ATP10D: variants seen among roughly 807,000 people sequenced by gnomAD.
ATP10D encodes the protein phospholipid-transporting ATPase VD.
In ATP10D, 89 loss-of-function variants were observed where a neutral mutation model predicts 144.8. The observed-to-expected ratio is 0.61, with a 90% CI of 0.52 to 0.73. The LOEUF is 0.73. ATP10D is among the 30% of genes least tolerant of loss of function. The pLI, the probability that ATP10D is intolerant of heterozygous loss-of-function variation, is 0.00. For synonymous variants in ATP10D, 571 were observed against 615.1 expected, an observed-to-expected ratio of 0.93 and a Z score of 1.06; for missense variants, 1,603 against 1,714.8, an observed-to-expected ratio of 0.93 and a Z score of 1.15.
At chr4:47,536,401 T>G in intron 7 of ATP10D, 36 bp from the exon 8 acceptor site, 1 of 1,606,206 alleles carries the variant, frequency 6.2e-7, no homozygotes, top group Non-Finnish European at 8.5e-7. Context: ...TGCCATATAT[T>G]TAGCATCCTT....
At chr4:47,562,516 A>C (rs1197352654) in intron 14 of ATP10D, among the ~76,000 whole-genome samples, 1 of 152,208 alleles carries the variant, frequency 6.6e-6, no homozygotes, top group Non-Finnish European at 1.5e-5. Context: ...ACCAGTCAGA[A>C]TGTCTGTTAA....
Position 47,591,439 on chromosome 4 carries a change from G to C in ATP10D, c.*58G>C. On this transcript the variant is annotated 3_prime_UTR_variant, in exon 23 of 23. Coordinates refer to ENST00000273859, the MANE Select transcript of ATP10D (RefSeq NM_020453.4). ...AGGTTGGAAGAGGGATTTTGAAGAG[G>C]TATCTCTCCAAGCAAGAATGACTTG... 1 of 1,407,462 alleles carries C rather than the reference G, an allele frequency of 7.1e-7. No individual in the cohort carries two copies. The highest frequency in any genetic ancestry group is 9.7e-7 in the Non-Finnish European group (1 of 1,035,046). The allele number at this position is 1,407,462 out of a possible 1,614,324, so 87.2% of individuals were successfully genotyped here.
At chr4:47,570,541 C>A (rs140509077) in intron 16 of ATP10D, among the ~76,000 whole-genome samples, 76 of 152,242 alleles carry the variant, frequency 5.0e-4, no homozygotes, top group African/African-American at 1.8e-3. Flanking sequence ...CAGTGGCTCA[C>A]GCCTGTAATC....
rs923215731 is a variant in ATP10D, at chr4:47,495,503, T to TA, written c.-38+9992dup. Among the ~76,000 whole-genome samples the TA allele has an allele frequency of 8.8e-4, 133 of 151,872 alleles. 1 individual carries two copies. The highest frequency in any genetic ancestry group is 3.1e-4 in the Non-Finnish European group (21 of 67,944). The stretch of plus-strand genomic sequence containing the variant: ...CCAAAATAAGTATATGTGTTAATGG[T>TA]AAAAAAAACATGGAGAGTATAAAAA... On this transcript the variant is annotated intron_variant, in intron 1 of 22. Transcript: ENST00000273859.
intron 10 of ATP10D, among the ~76,000 whole-genome samples, chr4:47,550,704 C>A (rs1718689614): frequency 6.6e-6 from 1 of 152,162 alleles, no homozygotes; most frequent in Non-Finnish European, 1.5e-5. Context: ...GAACCCCTGA[C>A]TAGTGTTCAA....
intron 18 of ATP10D, 140 bp downstream of exon 18, chr4:47,573,137 C>A: frequency 9.6e-7 from 1 of 1,040,850 alleles, no homozygotes; most frequent in Non-Finnish European, 1.4e-6. Context: ...GTCTTGCTGT[C>A]TTTCCAGAAC....
Position 47,580,497 on chromosome 4 carries a change from A to C in ATP10D, c.3648+19A>C. 1.3e-6 allele frequency: 2 copies of C among 1,592,272 alleles called. No homozygotes were observed. The highest frequency in any genetic ancestry group is 2.7e-5 in the African/African-American group (2 of 74,442). ...TTATTTTGTGAGTCTTTGTTCACTC[A>C]GTATATTTGTTATTAATGAATCAAT... On this transcript the variant is annotated intron_variant, in intron 20 of 22. Coordinates refer to ENST00000273859, the MANE Select transcript of ATP10D (RefSeq NM_020453.4).
intron 1 of ATP10D, among the ~76,000 whole-genome samples, chr4:47,502,634 G>A (rs1560411121): frequency 6.8e-6 from 1 of 147,908 alleles, no homozygotes; most frequent in African/African-American, 2.5e-5. Context: ...ATATACGTAT[G>A]TATATAATAT....
chr4:47,546,904 G>A (rs758744539), intron 10 of ATP10D, 42 bp downstream of exon 10: 157 of 1,547,462 alleles, frequency 1.0e-4, no homozygotes, highest in Non-Finnish European at 1.3e-4. Context: ...CATCCACAAT[G>A]TATGATGAGA....
rs187001698 is a variant in ATP10D, at chr4:47,516,540, C to T, written c.485+870C>T. 4.5e-3 allele frequency among the ~76,000 whole-genome samples: 687 copies of T among 152,228 alleles called. 4 individuals carry two copies. Among genetic ancestry groups the T allele is most frequent in the Non-Finnish European group, 5.6e-3 (380 of 68,010 alleles). The stretch of plus-strand genomic sequence containing the variant: ...TAGACAAATATAACTTGTCTTCAAT[C>T]TTATGTGATCCAAAGAGGAAAATGT... On this transcript the variant is annotated intron_variant, in intron 3 of 22. Transcript: ENST00000273859.
In ATP10D at chr4:47,557,672, C is replaced by A. The variant is rs774937862; in HGVS notation, c.1833C>A (p.His611Gln). ...APNQPRQKIR[H>Q]PSLGGLPIKS... Reference sequence around the variant, plus strand: ...TAAATTGTCTTTCATAGATCAGACACCCTTCACTGGGGGGGTTGCCCATTA... The same window carrying A: ...TAAATTGTCTTTCATAGATCAGACAACCTTCACTGGGGGGGTTGCCCATTA... Residue 611 changes from histidine (H) to glutamine (Q), a missense_variant, in exon 12 of 23, where the codon CAC becomes CAA. By Grantham distance (24) the His-to-Gln change is conservative. Transcript: ENST00000273859. The A allele has an allele frequency of 5.0e-6, 8 of 1,607,300 alleles. No individual in the cohort carries two copies. The highest frequency in any genetic ancestry group is 6.8e-6 in the Non-Finnish European group (8 of 1,174,874).
In ATP10D at chr4:47,512,729, G is replaced by A. The variant is rs1352844759; in HGVS notation, c.189G>A (p.Glu63=). 3.1e-6 allele frequency: 5 copies of A among 1,614,080 alleles called. No individual in the cohort carries two copies. Among genetic ancestry groups the A allele is most frequent in the African/African-American group, 1.3e-5 (1 of 74,938 alleles). Residue 63 remains glutamate (E), a synonymous_variant, in exon 2 of 23, where the codon GAG becomes GAA. Coordinates refer to ENST00000273859, the MANE Select transcript of ATP10D (RefSeq NM_020453.4). ...VVPHIQPFKD[E]YEKFSGAYVN... is the part of the protein sequence containing the mutation. ...CCCACATCCAGCCCTTCAAGGATGA[G>A]TATGAGAAGTTCTCCGGAGCCTATG...
In ATP10D at chr4:47,555,523, G is replaced by A. The variant is rs544786698; in HGVS notation, c.1824+609G>A. Among the ~76,000 whole-genome samples the A allele has an allele frequency of 2.2e-4, 33 of 152,250 alleles. 1 individual carries two copies. The South Asian group carries it at 6.4e-3, about 30-fold the overall frequency. The stretch of plus-strand genomic sequence containing the variant: ...GATGAGGCTAAGTAATTTACCCAGG[G>A]TCACAAAACTGGTTTGTTGGGGAGG... On this transcript the variant is annotated intron_variant, in intron 11 of 22. Coordinates refer to ENST00000273859, the MANE Select transcript of ATP10D (RefSeq NM_020453.4).
chr4:47,512,588 C>T lies in ATP10D; in HGVS notation c.48C>T (p.Ile16=), dbSNP rs761007607. Residue 16 remains isoleucine (I), a synonymous_variant, in exon 2 of 23, where the codon ATC becomes ATT. Transcript: ENST00000273859. The part of the protein sequence containing the change: ...QWARYHWRRL[I]RGATRDDDSG... ...CCAGATATCACTGGCGACGGCTGAT[C>T]AGAGGTGCAACCAGGGATGATGATT... The T allele has an allele frequency of 3.4e-5, 55 of 1,614,096 alleles. No individual in the cohort carries two copies. The Middle Eastern group carries it at 6.6e-4, about 19-fold the overall frequency.
intron 1 of ATP10D, among the ~76,000 whole-genome samples, chr4:47,488,530 A>G (rs1700281425): frequency 6.6e-6 from 1 of 151,272 alleles, no homozygotes; most frequent in Admixed American, 6.6e-5. Flanking sequence ...TTTTCCTAAT[A>G]TTCCAAAATC....
At chr4:47,557,380 G>A (rs1028565465) in intron 11 of ATP10D, among the ~76,000 whole-genome samples, 4 of 151,702 alleles carry the variant, frequency 2.6e-5, no homozygotes, top group Non-Finnish European at 5.9e-5. Flanking sequence ...TTTCTAAATG[G>A]TTGTAGAAAT....
chr4:47,533,847 C>G (rs192194763), intron 5 of ATP10D, among the ~76,000 whole-genome samples: 1 of 152,140 alleles, frequency 6.6e-6, no homozygotes, highest in African/African-American at 2.4e-5. Context: ...CTTTCCTACC[C>G]CTCCACTGTG....
intron 1 of ATP10D, among the ~76,000 whole-genome samples, chr4:47,497,116 C>T (rs1299856188): frequency 6.6e-6 from 1 of 152,010 alleles, no homozygotes; most frequent in Non-Finnish European, 1.5e-5. Flanking sequence ...GCTGGGATTA[C>T]AGGCGTGAGC....
chr4:47,576,001 G>A (rs982871798), intron 18 of ATP10D, among the ~76,000 whole-genome samples: 1 of 138,424 alleles, frequency 7.2e-6, no homozygotes, highest in Non-Finnish European at 1.5e-5. Flanking sequence ...GCGCGATCTC[G>A]GCTCACTGCA....
Sources: allele counts gnomAD v4.1 joint callset (sites outside exome capture counted in the v4.1 genomes callset), GRCh38; gene constraint gnomAD v4.1.1; transcripts MANE v1.5; gene names NCBI Gene and HGNC (gene_info 2026-07-23, HGNC 2026-07-21).